The following IGSF10 variants were observed in gnomAD, a reference collection of about 807,000 sequenced individuals.
IGSF10 encodes the protein calvaria mechanical force protein 608.
A neutral mutation model predicts 128.2 loss-of-function variants in IGSF10; 126 were observed. That is an observed-to-expected ratio of 0.98 (90% CI 0.85 to 1.14). IGSF10 has a LOEUF of 1.14. Among genes scored for constraint, IGSF10 ranks in the 50% most tolerant of loss-of-function variants. The pLI, the probability that IGSF10 is intolerant of heterozygous loss-of-function variation, is 0.00. For synonymous variants in IGSF10, 1,185 were observed against 1,146.2 expected, an observed-to-expected ratio of 1.03 and a Z score of -0.68; for missense variants, 3,295 against 3,149.8, an observed-to-expected ratio of 1.05 and a Z score of -1.10.
chr3:151,489,228 T>A, the IGSF10 span, among the ~76,000 whole-genome samples: 1 of 152,030 alleles, frequency 6.6e-6, no homozygotes, highest in Non-Finnish European at 1.5e-5. Flanking sequence ...GAAAAAAAGG[T>A]CATCATCACT....
the IGSF10 span, among the ~76,000 whole-genome samples, chr3:151,498,734 G>T: frequency 2.0e-5 from 3 of 152,140 alleles, no homozygotes; most frequent in Non-Finnish European, 2.9e-5. Flanking sequence ...AGCCATTTCA[G>T]AAGCTGAATA....
chr3:151,569,800 T>C, the IGSF10 span, among the ~76,000 whole-genome samples: 2 of 152,202 alleles, frequency 1.3e-5, no homozygotes, highest in Non-Finnish European at 2.9e-5. Flanking sequence ...TTGTTACGTA[T>C]GTATACATGC....
the IGSF10 span, among the ~76,000 whole-genome samples, chr3:151,614,435 C>T: frequency 2.0e-5 from 3 of 152,064 alleles, no homozygotes; most frequent in Non-Finnish European, 2.9e-5. Flanking sequence ...TGTCCAACAA[C>T]GATAGACTGG....
the IGSF10 span, among the ~76,000 whole-genome samples, chr3:151,617,237 TTCC>T: frequency 0.12 from 15,147 of 128,600 alleles, 2,058 homozygotes; most frequent in African/African-American, 0.28. Context: ...CTTCTTCTTC[TTCC>T]TCCTCCTCTT....
chr3:151,583,822 A>G, the IGSF10 span, among the ~76,000 whole-genome samples: 1 of 152,180 alleles, frequency 6.6e-6, no homozygotes, highest in African/African-American at 2.4e-5. Flanking sequence ...ACTATAATCA[A>G]ATAATATATT....
the IGSF10 span, among the ~76,000 whole-genome samples, chr3:151,541,767 C>T: frequency 6.6e-6 from 1 of 152,090 alleles, no homozygotes; most frequent in African/African-American, 2.4e-5. Context: ...AATACATATA[C>T]ATACATATGT....
At chr3:151,522,427 C>G in the IGSF10 span, among the ~76,000 whole-genome samples, 1 of 152,020 alleles carries the variant, frequency 6.6e-6, no homozygotes, top group Non-Finnish European at 1.5e-5. Context: ...TGATGAACAT[C>G]AATGCAAAAA....
chr3:151,511,977 A>G, the IGSF10 span, among the ~76,000 whole-genome samples: 3,771 of 152,276 alleles, frequency 0.025, 144 homozygotes, highest in African/African-American at 0.086. Flanking sequence ...GTCCTTAGTG[A>G]CCTACAAAGA....
the IGSF10 span, among the ~76,000 whole-genome samples, chr3:151,578,878 T>C: frequency 1.3e-5 from 2 of 152,156 alleles, no homozygotes; most frequent in African/African-American, 2.4e-5. Flanking sequence ...GAGGAAGACA[T>C]ACCTGTGAGA....
chr3:151,578,773 A>G, the IGSF10 span, among the ~76,000 whole-genome samples: 6 of 152,210 alleles, frequency 3.9e-5, no homozygotes, highest in African/African-American at 1.4e-4. Context: ...AAGAAATAGA[A>G]AAAAAGATCT....
chr3:151,501,527 T>C, the IGSF10 span, among the ~76,000 whole-genome samples: 11 of 152,098 alleles, frequency 7.2e-5, no homozygotes, highest in Non-Finnish European at 1.2e-4. Flanking sequence ...CATCAGTATA[T>C]GGATTCCTTC....
At chr3:151,461,482 T>C (rs974842767), upstream of IGSF10, 40 of 934,802 alleles carry the variant, frequency 4.3e-5, no homozygotes, top group Admixed American at 2.5e-3. Flanking sequence ...GTAAATTATA[T>C]TGCGTATATT....
At chr3:151,486,792 C>G in the IGSF10 span, among the ~76,000 whole-genome samples, 3 of 152,090 alleles carry the variant, frequency 2.0e-5, no homozygotes, top group Admixed American at 1.3e-4. Flanking sequence ...CCAATAAGAA[C>G]AAAGACACAA....
At chr3:151,574,528 A>G in the IGSF10 span, among the ~76,000 whole-genome samples, 4 of 152,188 alleles carry the variant, frequency 2.6e-5, no homozygotes, top group African/African-American at 9.7e-5. Flanking sequence ...GAGCTTGTGT[A>G]TGCATCACAT....
chr3:151,573,129 G>T, the IGSF10 span, among the ~76,000 whole-genome samples: 1 of 152,146 alleles, frequency 6.6e-6, no homozygotes, highest in Non-Finnish European at 1.5e-5. Flanking sequence ...TATATTTGCT[G>T]AGGAGTGCCT....
the IGSF10 span, among the ~76,000 whole-genome samples, chr3:151,548,924 T>C: frequency 3.9e-5 from 6 of 152,054 alleles, no homozygotes; most frequent in Non-Finnish European, 8.8e-5. Context: ...TTCAACACTT[T>C]TATTAAGGGC....
At chr3:151,611,854 C>T in the IGSF10 span, among the ~76,000 whole-genome samples, 3 of 152,148 alleles carry the variant, frequency 2.0e-5, no homozygotes, top group South Asian at 2.1e-4. Context: ...CTATACTAAG[C>T]ACTGAACTAA....
the IGSF10 span, among the ~76,000 whole-genome samples, chr3:151,498,974 A>G: frequency 6.6e-6 from 1 of 151,986 alleles, no homozygotes; most frequent in South Asian, 2.1e-4. Context: ...TTTTCAAGAG[A>G]TCTAACAAAT....
At chr3:151,435,062 C>CTTTTTTTTTT (rs66791814), downstream of IGSF10, 47 of 119,050 alleles carry the variant, frequency 3.9e-4, no homozygotes, top group African/African-American at 7.7e-4. Flanking sequence ...TGAGAGGTTT[C>CTTTTTTTTTT]TTTTTTTTTT....
Sources: allele counts gnomAD v4.1 joint callset (sites outside exome capture counted in the v4.1 genomes callset), GRCh38; gene constraint gnomAD v4.1.1; transcripts MANE v1.5; gene names NCBI Gene and HGNC (gene_info 2026-07-23, HGNC 2026-07-21).